RAB3B: variants seen among roughly 807,000 people sequenced by gnomAD.
RAB3B encodes ras-related protein Rab-3B.
Under a neutral mutation model 20.5 loss-of-function variants are expected in RAB3B, and 11 were observed. That is an observed-to-expected ratio of 0.54 (90% CI 0.34 to 0.89). The LOEUF (loss-of-function observed/expected upper bound fraction) is 0.89, where lower values mean the gene tolerates loss of function less well. RAB3B is among the 40% of genes least tolerant of loss of function. The pLI, the probability that RAB3B is intolerant of heterozygous loss-of-function variation, is 0.02. For missense variants in RAB3B, 225 were observed against 280.9 expected (o/e 0.80, Z 1.42); for synonymous variants, 99 against 106.3 (o/e 0.93, Z 0.42).
chr1:51,940,342 G>T (rs1047875231), intron 2 of RAB3B, among the ~76,000 whole-genome samples: 3 of 152,158 alleles, frequency 2.0e-5, no homozygotes, highest in Non-Finnish European at 2.9e-5. Context: ...AAATGAGTTG[G>T]CTGGGCATGG....
At position 51,920,467 on chromosome 1, in the gene RAB3B, A is replaced by AC. The variant is rs1307878681; in HGVS notation, c.473-354_473-353insG. On this transcript the variant is annotated intron_variant, in intron 4 of 4. Coordinates refer to ENST00000371655, the MANE Select transcript of RAB3B (RefSeq NM_002867.4). ...AGGCAAGACAATGTATGTGAAATAT[A>AC]TAACCCTGTGCCTGACACAGAGGGG... Among the ~76,000 whole-genome samples the AC allele has an allele frequency of 3.7e-3, 558 of 152,342 alleles. 2 individuals carry two copies. The highest frequency in any genetic ancestry group is 0.013 in the African/African-American group (532 of 41,572).
Position 51,933,225 on chromosome 1 carries a change from T to C in RAB3B, c.472+93A>G. 6.7e-6 allele frequency: 9 copies of C among 1,351,968 alleles called. No individual in the cohort carries two copies. In the South Asian group the frequency reaches 1.2e-4, roughly 19 times the overall value. 83.7% of individuals were successfully genotyped at this position (1,351,968 alleles called of 1,614,324 possible). On this transcript the variant is annotated intron_variant, in intron 4 of 4. Coordinates refer to ENST00000371655, the MANE Select transcript of RAB3B (RefSeq NM_002867.4). ...ATAATTCACAATCACAACACTAATGTCATAAATACAAACACACTCGTACCC... is the reference window on the plus strand; with the variant it reads ...ATAATTCACAATCACAACACTAATGCCATAAATACAAACACACTCGTACCC...
At chr1:51,981,562 C>T (rs1029209707) in intron 1 of RAB3B, among the ~76,000 whole-genome samples, 1 of 152,196 alleles carries the variant, frequency 6.6e-6, no homozygotes, top group Middle Eastern at 3.4e-3. Flanking sequence ...TAGTCTATAC[C>T]TTCTATGCAT....
At chr1:51,963,525 C>T (rs1684810300) in intron 2 of RAB3B, among the ~76,000 whole-genome samples, 2 of 152,190 alleles carry the variant, frequency 1.3e-5, no homozygotes, top group African/African-American at 2.4e-5. Context: ...AATTCATGAG[C>T]TGATGAATTT....
chr1:51,970,120 A>G (rs1315031102), intron 2 of RAB3B, among the ~76,000 whole-genome samples: 1 of 151,952 alleles, frequency 6.6e-6, no homozygotes, highest in Non-Finnish European at 1.5e-5. Context: ...CAAACAAAAA[A>G]ACAAAAACTA....
intron 2 of RAB3B, among the ~76,000 whole-genome samples, chr1:51,976,067 C>G (rs1030533635): frequency 2.6e-5 from 4 of 152,184 alleles, no homozygotes; most frequent in African/African-American, 9.6e-5. Flanking sequence ...CTGGCTACAC[C>G]TCATGAGAGG....
chr1:51,936,585 C>T (rs1037189092), intron 3 of RAB3B, among the ~76,000 whole-genome samples: 1 of 152,130 alleles, frequency 6.6e-6, no homozygotes, highest in Non-Finnish European at 1.5e-5. Context: ...CTTCAACACT[C>T]GCACCTACCT....
chr1:51,946,670 C>T (rs955085529), intron 2 of RAB3B, among the ~76,000 whole-genome samples: 3 of 152,212 alleles, frequency 2.0e-5, no homozygotes, highest in Non-Finnish European at 4.4e-5. Context: ...GTTTACTGAA[C>T]ACCCACTATG....
chr1:51,961,567 C>CA (rs1177529740), intron 2 of RAB3B, among the ~76,000 whole-genome samples: 1 of 152,098 alleles, frequency 6.6e-6, no homozygotes, highest in African/African-American at 2.4e-5. Flanking sequence ...CTCTGAGTCT[C>CA]AGTTTCCTCA....
At position 51,926,889 on chromosome 1, in the gene RAB3B, A is replaced by G. The variant is rs74485169; in HGVS notation, c.472+6429T>C. On this transcript the variant is annotated intron_variant, in intron 4 of 4. Coordinates refer to ENST00000371655, the MANE Select transcript of RAB3B (RefSeq NM_002867.4). ...AAGAAAATGCAAGTGGTCTGGACTC[A>G]GCTTCTTCATCAAGAAAATCACTGG... Among the ~76,000 whole-genome samples the G allele has an allele frequency of 7.1e-3, 1,089 of 152,336 alleles. 12 individuals carry two copies. The highest frequency in any genetic ancestry group is 0.025 in the African/African-American group (1,053 of 41,568).
intron 2 of RAB3B, among the ~76,000 whole-genome samples, chr1:51,970,234 C>A (rs1684910325): frequency 6.6e-6 from 1 of 152,060 alleles, no homozygotes; most frequent in Non-Finnish European, 1.5e-5. Flanking sequence ...GTGGTGGAAG[C>A]CCCCTCCACT....
At chr1:51,950,182 A>C (rs1396131086) in intron 2 of RAB3B, among the ~76,000 whole-genome samples, 1 of 152,212 alleles carries the variant, frequency 6.6e-6, no homozygotes, top group African/African-American at 2.4e-5. Flanking sequence ...AAACAGGAAC[A>C]CAAGTTCTCA....
rs114896165 is a variant in RAB3B at position 51,925,890 on chromosome 1, G to A, written c.473-5776C>T. Among the ~76,000 whole-genome samples the A allele has an allele frequency of 6.2e-3, 943 of 152,270 alleles. 27 individuals are homozygous for A. The South Asian group carries it at 0.093, about 15-fold the overall frequency. ...TGAGGAAACCCAGAGATTATCAAAA[G>A]CAAAAAATACTAGTATTAGAGCTAA... On this transcript the variant is annotated intron_variant, in intron 4 of 4. Coordinates refer to ENST00000371655, the MANE Select transcript of RAB3B (RefSeq NM_002867.4).
intron 2 of RAB3B, among the ~76,000 whole-genome samples, chr1:51,943,674 T>C (rs992422785): frequency 3.9e-5 from 6 of 152,168 alleles, no homozygotes; most frequent in African/African-American, 1.4e-4. Context: ...ATTGGCAATA[T>C]GTAGAAAGTT....
chr1:51,953,016 G>T (rs1684660364), intron 2 of RAB3B, among the ~76,000 whole-genome samples: 1 of 152,138 alleles, frequency 6.6e-6, no homozygotes, highest in Non-Finnish European at 1.5e-5. Context: ...GTATATGGTT[G>T]ACTATTAATT....
intron 2 of RAB3B, among the ~76,000 whole-genome samples, chr1:51,938,273 T>C (rs943892349): frequency 3.9e-5 from 6 of 152,134 alleles, no homozygotes; most frequent in African/African-American, 1.4e-4. Context: ...TGGGAATCAA[T>C]TTGGAAGTCT....
intron 2 of RAB3B, among the ~76,000 whole-genome samples, chr1:51,950,676 T>C (rs926759382): frequency 6.6e-6 from 1 of 152,224 alleles, no homozygotes; most frequent in African/African-American, 2.4e-5. Flanking sequence ...TCTTCATCCC[T>C]GGGTCGTGCC....
intron 2 of RAB3B, among the ~76,000 whole-genome samples, chr1:51,958,887 G>C (rs1412119639): frequency 6.6e-6 from 1 of 152,246 alleles, no homozygotes; most frequent in Non-Finnish European, 1.5e-5. Context: ...CAAGTGCAGA[G>C]AGAAGAGATA....
At chr1:51,939,010 G>A (rs1169159886) in intron 2 of RAB3B, among the ~76,000 whole-genome samples, 1 of 152,126 alleles carries the variant, frequency 6.6e-6, no homozygotes, top group Non-Finnish European at 1.5e-5. Context: ...TTACTCTTAT[G>A]TAAGGAGAAA....
Sources: allele counts gnomAD v4.1 joint callset (sites outside exome capture counted in the v4.1 genomes callset), GRCh38; gene constraint gnomAD v4.1.1; transcripts MANE v1.5; gene names NCBI Gene and HGNC (gene_info 2026-07-23, HGNC 2026-07-21).